Variants in ADGRG7 observed in about 807,000 individuals in gnomAD.
ADGRG7 encodes adhesion G protein-coupled receptor G7.
In ADGRG7, 82 loss-of-function variants were observed where a neutral mutation model predicts 88.6. The ratio of observed to expected loss-of-function variants is 0.93; its 90% CI spans 0.77 to 1.11. The LOEUF is 1.11. Ranked by LOEUF, ADGRG7 falls within the 50% of genes most tolerant of loss-of-function variation. The pLI, the probability that ADGRG7 is intolerant of heterozygous loss-of-function variation, is 0.00. For missense variants in ADGRG7, 945 were observed against 953.4 expected, an observed-to-expected ratio of 0.99 and a Z score of 0.12; for synonymous variants, 381 against 345.2, an observed-to-expected ratio of 1.10 and a Z score of -1.15.
chr3:100,619,489 T>C (rs904201970), intron 1 of ADGRG7, among the ~76,000 whole-genome samples: 5 of 151,598 alleles, frequency 3.3e-5, no homozygotes, highest in African/African-American at 9.7e-5. Flanking sequence ...AACATCACAA[T>C]TAAAAGAACT....
intron 15 of ADGRG7, among the ~76,000 whole-genome samples, chr3:100,691,779 A>T (rs10936315): frequency 0.26 from 38,667 of 147,210 alleles, 5,782 homozygotes; most frequent in East Asian, 0.54. Context: ...ATGACTCATT[A>T]TCAAATAAAA....
At chr3:100,685,309 T>G (rs1167267897) in intron 15 of ADGRG7, among the ~76,000 whole-genome samples, 3 of 152,220 alleles carry the variant, frequency 2.0e-5, no homozygotes, top group Admixed American at 1.3e-4. Context: ...ACGGAAATTT[T>G]ATGTTGTGAA....
chr3:100,687,652 T>C (rs1163628357), intron 15 of ADGRG7, among the ~76,000 whole-genome samples: 1 of 152,254 alleles, frequency 6.6e-6, no homozygotes, highest in Admixed American at 6.5e-5. Flanking sequence ...TTTTTGTCTC[T>C]GGTTCTGTTT....
At chr3:100,675,159 C>T (rs1265344914) in intron 15 of ADGRG7, among the ~76,000 whole-genome samples, 4 of 152,126 alleles carry the variant, frequency 2.6e-5, no homozygotes, top group African/African-American at 9.7e-5. Flanking sequence ...AAGTGGGCAT[C>T]CTTTTTGTGT....
intron 15 of ADGRG7, among the ~76,000 whole-genome samples, chr3:100,684,448 T>C (rs2094978882): frequency 6.6e-6 from 1 of 151,884 alleles, no homozygotes; most frequent in Non-Finnish European, 1.5e-5. Context: ...CCAATTATTT[T>C]ATACAGATAG....
chr3:100,619,654 C>G (rs992640610), intron 1 of ADGRG7, among the ~76,000 whole-genome samples: 14 of 152,046 alleles, frequency 9.2e-5, no homozygotes, highest in Non-Finnish European at 1.5e-4. Flanking sequence ...AATTGAAAGA[C>G]AGCTAGCAAG....
chr3:100,615,035 C>T (rs760851964), intron 1 of ADGRG7, among the ~76,000 whole-genome samples: 1 of 151,974 alleles, frequency 6.6e-6, no homozygotes, highest in Non-Finnish European at 1.5e-5. Flanking sequence ...AAATATGGAG[C>T]CTCAAATAAA....
At chr3:100,633,080 T>C (rs1368524697) in intron 3 of ADGRG7, among the ~76,000 whole-genome samples, 185 bp from the exon 4 acceptor site, 1 of 152,130 alleles carries the variant, frequency 6.6e-6, no homozygotes, top group Admixed American at 6.5e-5. Context: ...AGGAAGGAAA[T>C]AGTCAACTGG....
intron 8 of ADGRG7, among the ~76,000 whole-genome samples, chr3:100,645,173 T>C (rs1250882769): frequency 6.6e-6 from 1 of 152,264 alleles, no homozygotes; most frequent in Non-Finnish European, 1.5e-5. Context: ...CTGTTTTAAA[T>C]ATGCCAACAG....
At chr3:100,690,799 A>T (rs1316147320) in intron 15 of ADGRG7, among the ~76,000 whole-genome samples, 1 of 152,172 alleles carries the variant, frequency 6.6e-6, no homozygotes, top group Non-Finnish European at 1.5e-5. Context: ...CCTCCCAGTT[A>T]GGCTACTCGG....
intron 15 of ADGRG7, among the ~76,000 whole-genome samples, chr3:100,688,514 A>G (rs2094987266): frequency 2.0e-5 from 3 of 152,162 alleles, no homozygotes; most frequent in Non-Finnish European, 4.4e-5. Flanking sequence ...GTGGGCATTT[A>G]GTGCTCTAAA....
chr3:100,647,388 A>C (rs1416626782), intron 10 of ADGRG7, among the ~76,000 whole-genome samples: 2 of 152,208 alleles, frequency 1.3e-5, no homozygotes, highest in Non-Finnish European at 2.9e-5. Flanking sequence ...TGCCAGAGAC[A>C]GGTTCAATAT....
intron 15 of ADGRG7, among the ~76,000 whole-genome samples, chr3:100,676,522 TG>T: frequency 6.6e-6 from 1 of 152,112 alleles, no homozygotes; most frequent in East Asian, 1.9e-4. Flanking sequence ...TTTTAACATA[TG>T]GTCTATATTT....
intron 15 of ADGRG7, among the ~76,000 whole-genome samples, chr3:100,669,710 ACT>A (rs1472951199): frequency 1.3e-5 from 2 of 151,610 alleles, no homozygotes; most frequent in East Asian, 1.9e-4. Context: ...ATCAAATTAT[ACT>A]CTCAGTTATT....
At chr3:100,624,853 T>TA (rs1356593689) in intron 1 of ADGRG7, among the ~76,000 whole-genome samples, 1 of 152,064 alleles carries the variant, frequency 6.6e-6, no homozygotes, top group African/African-American at 2.4e-5. Context: ...TGTAGATGTG[T>TA]GGTGTTATTT....
chr3:100,643,545 T>A lies in ADGRG7; in HGVS notation c.858T>A (p.Val286=). ...TCATAGGAGCTAGCAGTTCTCTAGT[T>A]TCTAGTTCAACATTTATACATACAA... is the stretch of plus-strand genomic sequence containing the variant. The part of the protein sequence containing the change: ...SVQKGASSSL[V]SSSTFIHTNV... The change falls in exon 8 of 16, where the codon GTT becomes GTA. Residue 286 remains valine, a synonymous_variant. Coordinates refer to ENST00000273352, the MANE Select transcript of ADGRG7 (RefSeq NM_032787.3). 6.2e-7 allele frequency: 1 copy of A among 1,613,640 alleles called. No individual in the cohort carries two copies. The highest frequency in any genetic ancestry group is 8.5e-7 in the Non-Finnish European group (1 of 1,179,790).
intron 3 of ADGRG7, among the ~76,000 whole-genome samples, chr3:100,631,098 A>G (rs1707454468): frequency 6.6e-6 from 1 of 151,050 alleles, no homozygotes; most frequent in Non-Finnish European, 1.5e-5. Flanking sequence ...AATTAAATTG[A>G]CATTTGCTCC....
Position 100,635,826 on chromosome 3 carries a change from G to A in ADGRG7, c.597G>A (p.Glu199=), listed in dbSNP as rs1298896109. The A allele has an allele frequency of 2.5e-6, 4 of 1,599,424 alleles. No homozygotes were observed. Among genetic ancestry groups the A allele is most frequent in the East Asian group, 4.5e-5 (2 of 44,750 alleles). ...IFNTSRNASP[E]AKKVAIVTVS... The stretch of plus-strand genomic sequence containing the variant: ...ACACTTCCAGAAATGCTTCACCTGA[G>A]GTAAAACTCACAGAGCTTTAAAAAA... The change falls in exon 5 of 16, where the codon GAG becomes GAA. Residue 199 remains glutamate, a splice_region_variant and synonymous_variant. Coordinates refer to ENST00000273352, the MANE Select transcript of ADGRG7 (RefSeq NM_032787.3).
At chr3:100,635,450 C>A (rs903689833) in intron 4 of ADGRG7, 2 of 906,472 alleles carry the variant, frequency 2.2e-6, no homozygotes, top group Non-Finnish European at 1.5e-6. Context: ...TAAGGCAGCC[C>A]CTTATAGTTA....
Sources: allele counts gnomAD v4.1 joint callset (sites outside exome capture counted in the v4.1 genomes callset), GRCh38; gene constraint gnomAD v4.1.1; transcripts MANE v1.5; gene names NCBI Gene and HGNC (gene_info 2026-07-23, HGNC 2026-07-21).